The following IL1RAPL1 variants were observed in gnomAD, a reference collection of about 807,000 sequenced individuals.
IL1RAPL1 encodes interleukin 1 receptor accessory protein like 1.
Under a neutral mutation model 48.4 loss-of-function variants are expected in IL1RAPL1, and 3 were observed. That is an observed-to-expected ratio of 0.06 (90% CI 0.03 to 0.16). IL1RAPL1 has a LOEUF of 0.16. Ranked by LOEUF, IL1RAPL1 falls within the 10% of genes least tolerant of loss-of-function variation. The probability of loss-of-function intolerance (pLI) is 1.00; values close to 1 mark genes in which losing one functional copy is unlikely to be tolerated. For synonymous variants in IL1RAPL1, 185 were observed against 187.7 expected, an observed-to-expected ratio of 0.99 and a Z score of 0.12; for missense variants, 349 against 530.6, an observed-to-expected ratio of 0.66 and a Z score of 3.36.
chrX:29,503,605 T>C, intron 5 of IL1RAPL1, among the ~76,000 whole-genome samples: 1 of 111,828 alleles, frequency 8.9e-6, no homozygotes, highest in East Asian at 2.8e-4. Context: ...TCTTTATTCA[T>C]TCATTGATCA....
chrX:29,681,490 C>G (rs1926448706), intron 6 of IL1RAPL1, among the ~76,000 whole-genome samples: 2 of 112,116 alleles, frequency 1.8e-5, no homozygotes, highest in East Asian at 5.6e-4. Context: ...CTTTAGCAAT[C>G]TGGCCCCACA....
At chrX:28,919,537 T>C (rs757985409) in intron 2 of IL1RAPL1, among the ~76,000 whole-genome samples, 10 of 112,062 alleles carry the variant, frequency 8.9e-5, no homozygotes, top group African/African-American at 9.7e-5. Flanking sequence ...CAAACTTGTG[T>C]TTGAATTCTA....
intron 1 of IL1RAPL1, among the ~76,000 whole-genome samples, chrX:28,612,220 C>T (rs1246305322): frequency 8.9e-6 from 1 of 111,923 alleles, no homozygotes; most frequent in Non-Finnish European, 1.9e-5. Context: ...GTCTCAAATA[C>T]ACCCTACTTA....
intron 6 of IL1RAPL1, among the ~76,000 whole-genome samples, chrX:29,885,272 T>G (rs1419971416): frequency 8.9e-6 from 1 of 112,228 alleles, no homozygotes; most frequent in Non-Finnish European, 1.9e-5. Flanking sequence ...TATTTAAAAT[T>G]GCAAACCTAT....
intron 2 of IL1RAPL1, among the ~76,000 whole-genome samples, chrX:28,934,727 T>C (rs1287497108): frequency 8.9e-6 from 1 of 112,482 alleles, no homozygotes; most frequent in Non-Finnish European, 1.9e-5. Flanking sequence ...TCATTCTTTC[T>C]TATTGTTGAA....
intron 1 of IL1RAPL1, among the ~76,000 whole-genome samples, chrX:28,643,280 A>G (rs1934568436): frequency 9.0e-6 from 1 of 111,237 alleles, no homozygotes; most frequent in African/African-American, 3.3e-5. Flanking sequence ...GTTTCTTGCC[A>G]CACGGACCTC....
intron 2 of IL1RAPL1, among the ~76,000 whole-genome samples, chrX:29,282,487 G>T (rs1362061741): frequency 1.8e-5 from 2 of 112,080 alleles, no homozygotes; most frequent in Non-Finnish European, 3.8e-5. Context: ...CTTGCACGCT[G>T]TAAGAGCCTG....
intron 5 of IL1RAPL1, among the ~76,000 whole-genome samples, chrX:29,647,377 C>T (rs915851230): frequency 3.7e-5 from 4 of 107,725 alleles, no homozygotes; most frequent in African/African-American, 1.4e-4. Context: ...TACTCTAATA[C>T]GGTAATGATG....
At position 29,196,056 on chromosome X, in the gene IL1RAPL1, G is replaced by A. The variant is rs756891280; in HGVS notation, c.83-86882G>A. Among the ~76,000 whole-genome samples, 8 of 112,153 alleles carry A rather than the reference G, an allele frequency of 7.1e-5. No homozygotes were observed. The South Asian group carries it at 2.6e-3, about 36-fold the overall frequency. ...GCCAAAAAGTCCAGATTTATGCCAG[G>A]CTGTCACCATGATGATTTTAAATTT... is the stretch of plus-strand genomic sequence containing the variant. On this transcript the variant is annotated intron_variant, in intron 2 of 10. Coordinates refer to ENST00000378993, the MANE Select transcript of IL1RAPL1 (RefSeq NM_014271.4).
At chrX:29,461,946 CAAGTATATAAGTTTACTGA>C (rs1241138087) in intron 5 of IL1RAPL1, among the ~76,000 whole-genome samples, 1 of 111,120 alleles carries the variant, frequency 9.0e-6, no homozygotes, top group East Asian at 2.8e-4. Flanking sequence ...GATAGTTGCA[CAAGTATATAAGTTTACTGA>C]AACTCATTAA....
chrX:29,803,209 GTATATATGTATACATATACACA>G (rs1930089998), intron 6 of IL1RAPL1, among the ~76,000 whole-genome samples: 1 of 34,287 alleles, frequency 2.9e-5, no homozygotes, highest in African/African-American at 1.3e-4. Flanking sequence ...ATACACACAT[GTATATATGTATACATATACACA>G]CATGTATATA....
At chrX:29,668,327 C>T in intron 5 of IL1RAPL1, 103 bp from the exon 6 acceptor site, 2 of 751,170 alleles carry the variant, frequency 2.7e-6, no homozygotes, top group Non-Finnish European at 2.0e-6. Flanking sequence ...TTTAACACTA[C>T]TTTGAAAGTG....
At chrX:29,486,738 A>T (rs1417540755) in intron 5 of IL1RAPL1, among the ~76,000 whole-genome samples, 2 of 110,462 alleles carry the variant, frequency 1.8e-5, no homozygotes, top group African/African-American at 6.6e-5. Flanking sequence ...CAGGGACTGC[A>T]GCTTTTTATT....
At chrX:28,923,772 GC>G (rs1923672400) in intron 2 of IL1RAPL1, among the ~76,000 whole-genome samples, 1 of 111,064 alleles carries the variant, frequency 9.0e-6, no homozygotes, top group South Asian at 3.7e-4. Context: ...CGAGGAAAAA[GC>G]TTAAAACATG....
At chrX:29,241,445 G>C (rs1239123315) in intron 2 of IL1RAPL1, among the ~76,000 whole-genome samples, 5 of 111,660 alleles carry the variant, frequency 4.5e-5, no homozygotes, top group African/African-American at 1.6e-4. Flanking sequence ...TATCGCTGAA[G>C]TCCTGGATCA....
chrX:29,559,658 A>C (rs1485189077), intron 5 of IL1RAPL1, among the ~76,000 whole-genome samples: 1 of 110,668 alleles, frequency 9.0e-6, no homozygotes, highest in African/African-American at 3.3e-5. Context: ...CCTTTCTCTT[A>C]GATTTTGTGT....
At chrX:29,044,998 A>G (rs1351456640) in intron 2 of IL1RAPL1, among the ~76,000 whole-genome samples, 8 of 111,702 alleles carry the variant, frequency 7.2e-5, no homozygotes, top group Non-Finnish European at 1.5e-4. Context: ...ATACTTAAAT[A>G]TTTTTTATAT....
intron 1 of IL1RAPL1, among the ~76,000 whole-genome samples, chrX:28,675,365 T>A (rs1934986232): frequency 9.0e-6 from 1 of 111,479 alleles, no homozygotes; most frequent in Admixed American, 9.6e-5. Context: ...TGAAGCATAT[T>A]TTTTAACCCC....
chrX:28,724,460 C>T (rs376510142), intron 1 of IL1RAPL1, among the ~76,000 whole-genome samples: 16 of 111,080 alleles, frequency 1.4e-4, no homozygotes, highest in Admixed American at 4.8e-4. Context: ...AGATCTTCCT[C>T]CATCCCTTTA....
Sources: gnomAD v4.1 joint callset for allele counts (sites outside exome capture counted in the v4.1 genomes callset) on GRCh38, gnomAD v4.1.1 for gene constraint, MANE v1.5 for transcripts, NCBI Gene and HGNC (gene_info 2026-07-23, HGNC 2026-07-21) for gene names.